Variants in NSF observed in about 807,000 individuals in gnomAD.
NSF encodes the protein N-ethylmaleimide sensitive factor, vesicle fusing ATPase, also known as vesicle-fusing ATPase.
NSF carries 14 observed loss-of-function variants against 50.3 expected under a neutral mutation model. The ratio of observed to expected loss-of-function variants is 0.28; its 90% CI spans 0.18 to 0.44. The LOEUF is 0.44. NSF is among the 20% of genes least tolerant of loss of function. The pLI is 1.00. For missense variants in NSF, 218 were observed against 504.3 expected, an observed-to-expected ratio of 0.43 and a Z score of 5.44; for synonymous variants, 109 against 175.7, an observed-to-expected ratio of 0.62 and a Z score of 3.00.
At chr17:46,622,497 G>A (rs2058076224) in intron 1 of NSF, among the ~76,000 whole-genome samples, 1 of 149,252 alleles carries the variant, frequency 6.7e-6, no homozygotes, top group Non-Finnish European at 1.5e-5. Context: ...TAAATAAATG[G>A]TGTGGCTGGA....
At chr17:46,717,099 T>C (rs1319408895) in intron 15 of NSF, among the ~76,000 whole-genome samples, 1 of 152,192 alleles carries the variant, frequency 6.6e-6, no homozygotes, top group Non-Finnish European at 1.5e-5. Flanking sequence ...TGAATGTCCC[T>C]CAGTGGATGA....
At chr17:46,718,184 G>T (rs2058793078) in intron 15 of NSF, among the ~76,000 whole-genome samples, 1 of 152,182 alleles carries the variant, frequency 6.6e-6, no homozygotes. Context: ...CTTGGTGTTT[G>T]CTCTCCCCTG....
At chr17:46,710,153 C>A (rs2058704593) in intron 13 of NSF, among the ~76,000 whole-genome samples, 1 of 152,086 alleles carries the variant, frequency 6.6e-6, no homozygotes, top group Admixed American at 6.5e-5. Flanking sequence ...TCTCAAGATA[C>A]ATGATCTTTA....
intron 17 of NSF, among the ~76,000 whole-genome samples, chr17:46,746,748 G>C (rs1311119669): frequency 1.3e-5 from 2 of 152,080 alleles, no homozygotes; most frequent in African/African-American, 4.8e-5. Flanking sequence ...TTGGTTATTT[G>C]GCCTTGAACA....
At position 46,755,302 on chromosome 17, in the gene NSF, T is replaced by G. The variant is rs762146828; in HGVS notation, c.2158-12T>G. The stretch of plus-strand genomic sequence containing the variant: ...ACCATTAACCCATCTTCATTTCTTC[T>G]GATGTATTTAGATGGATCCTGAATA... On this transcript the variant is annotated splice_polypyrimidine_tract_variant and intron_variant, in intron 19 of 20. Coordinates refer to ENST00000398238, the MANE Select transcript of NSF (RefSeq NM_006178.4). The G allele has an allele frequency of 5.6e-6, 9 of 1,608,542 alleles. No individual in the cohort carries two copies. The Admixed American group carries it at 8.3e-5, about 15-fold the overall frequency.
rs545882245 is a variant in NSF at position 46,751,252 on chromosome 17, T to C, written c.2044-251T>C. Among the ~76,000 whole-genome samples, 16 of 152,276 alleles carry C rather than the reference T, an allele frequency of 1.1e-4. No individual in the cohort carries two copies. The South Asian group carries it at 1.2e-3, about 12-fold the overall frequency. On this transcript the variant is annotated intron_variant, in intron 18 of 20. Transcript: ENST00000398238. ...TTATTATGGATTGGAGCTATTTTTT[T>C]CCCCAGAAAATATAAGTTACATAGC...
chr17:46,752,698 C>T (rs191317933), intron 19 of NSF, among the ~76,000 whole-genome samples: 2 of 152,322 alleles, frequency 1.3e-5, no homozygotes, highest in East Asian at 1.9e-4. Flanking sequence ...TCAAGTAATC[C>T]GTCTGCCTCA....
intron 17 of NSF, among the ~76,000 whole-genome samples, chr17:46,731,763 G>A (rs972339353): frequency 1.3e-5 from 2 of 152,126 alleles, no homozygotes; most frequent in Admixed American, 6.6e-5. Context: ...AATACCATCT[G>A]GTCATTAATC....
chr17:46,713,759 A>G, intron 14 of NSF, 94 bp from the exon 15 acceptor site: 1 of 1,151,756 alleles, frequency 8.7e-7, no homozygotes, highest in Non-Finnish European at 1.2e-6. Flanking sequence ...ACTAGTCGAG[A>G]CCTCAGTATG....
At position 46,750,942 on chromosome 17, in the gene NSF, AAAG is replaced by A. The variant is rs1176837834; in HGVS notation, c.2044-558_2044-556del. ...TTTGAAAATGACAGTCATTTTTAAA[AAAG>A]AACGTTCTTCATTTAACTTTTAATA... On this transcript the variant is annotated intron_variant, in intron 18 of 20. Coordinates refer to ENST00000398238, the MANE Select transcript of NSF (RefSeq NM_006178.4). Among the ~76,000 whole-genome samples, 5 of 152,320 alleles carry A rather than the reference AAAG, an allele frequency of 3.3e-5. No individual in the cohort carries two copies. The East Asian group carries it at 9.6e-4, about 29-fold the overall frequency.
chr17:46,746,393 CA>C (rs1384575534), intron 17 of NSF, among the ~76,000 whole-genome samples: 1 of 152,192 alleles, frequency 6.6e-6, no homozygotes. Context: ...TGGATAAAAA[CA>C]ATGAGTAACA....
At chr17:46,714,071 C>T in intron 15 of NSF, 85 bp downstream of exon 15, 3 of 1,329,974 alleles carry the variant, frequency 2.3e-6, no homozygotes, top group Non-Finnish European at 3.0e-6. Context: ...TACATGTATA[C>T]ATATAAACCC....
chr17:46,709,329 G>T (rs1472720849), intron 13 of NSF, among the ~76,000 whole-genome samples: 1 of 151,674 alleles, frequency 6.6e-6, no homozygotes, highest in Middle Eastern at 3.2e-3. Context: ...TTATTCCAAG[G>T]GTCTGGAGGA....
chr17:46,733,918 A>G (rs2058974881), intron 17 of NSF, among the ~76,000 whole-genome samples: 1 of 152,230 alleles, frequency 6.6e-6, no homozygotes, highest in Non-Finnish European at 1.5e-5. Context: ...ATATTACCTA[A>G]TAAGAGAGAA....
chr17:46,737,562 G>GGT (rs200144570), intron 17 of NSF, among the ~76,000 whole-genome samples: 1 of 124,722 alleles, frequency 8.0e-6, no homozygotes, highest in Non-Finnish European at 1.8e-5. Context: ...GTTCACCTAG[G>GGT]GTGTGTGTGC....
At chr17:46,610,867 TCAA>T (rs992379013) in intron 1 of NSF, among the ~76,000 whole-genome samples, 3 of 124,104 alleles carry the variant, frequency 2.4e-5, no homozygotes, top group Non-Finnish European at 4.6e-5. Flanking sequence ...CCACTCCTAT[TCAA>T]CACTCTATTG....
chr17:46,609,275 TA>T (rs1402563014), intron 1 of NSF, among the ~76,000 whole-genome samples: 1 of 147,390 alleles, frequency 6.8e-6, no homozygotes, highest in East Asian at 2.0e-4. Flanking sequence ...TCTTCTTCAA[TA>T]AAAACTTGAT....
At chr17:46,705,412 T>C (rs1377464918) in intron 13 of NSF, among the ~76,000 whole-genome samples, 1 of 151,946 alleles carries the variant, frequency 6.6e-6, no homozygotes, top group African/African-American at 2.4e-5. Context: ...AAAATGGTCA[T>C]AGTTGGAGCT....
chr17:46,720,409 G>A (rs754988447), intron 15 of NSF, among the ~76,000 whole-genome samples: 7 of 152,066 alleles, frequency 4.6e-5, no homozygotes, highest in Admixed American at 2.6e-4. Context: ...TGTGGCTCAC[G>A]ATATGAGAAA....
Sources: gnomAD v4.1 joint callset for allele counts (sites outside exome capture counted in the v4.1 genomes callset) on GRCh38, gnomAD v4.1.1 for gene constraint, MANE v1.5 for transcripts, NCBI Gene and HGNC (gene_info 2026-07-23, HGNC 2026-07-21) for gene names.